INPP4A: variants seen among roughly 807,000 people sequenced by gnomAD.
The protein encoded by INPP4A is inositol polyphosphate-4-phosphatase type I A.
In INPP4A, 33 loss-of-function variants were observed where a neutral mutation model predicts 119.8. The ratio of observed to expected loss-of-function variants is 0.28; its 90% CI spans 0.21 to 0.37. The LOEUF is 0.37. Among genes scored for constraint, INPP4A ranks in the 10% least tolerant of loss-of-function variants. The pLI is 1.00. For missense variants in INPP4A, 956 were observed against 1,289.9 expected (o/e 0.74, Z 3.97); for synonymous variants, 496 against 500.7 (o/e 0.99, Z 0.12).
intron 21 of INPP4A, among the ~76,000 whole-genome samples, chr2:98,567,597 C>G (rs1375777519): frequency 6.6e-6 from 1 of 152,182 alleles, no homozygotes; most frequent in Admixed American, 6.5e-5. Flanking sequence ...GAGGGCTGAG[C>G]CAGAGCCAGG....
intron 1 of INPP4A, among the ~76,000 whole-genome samples, chr2:98,480,192 G>A (rs113483817): frequency 0.015 from 2,356 of 152,310 alleles, 69 homozygotes; most frequent in African/African-American, 0.054. Flanking sequence ...GTTTCTGTAG[G>A]GCATTGGGTG....
intron 24 of INPP4A, 42 bp from the exon 25 acceptor site, chr2:98,587,434 C>G (rs1292713387): frequency 6.6e-7 from 1 of 1,507,090 alleles, no homozygotes; most frequent in Non-Finnish European, 8.9e-7. Context: ...TTCTTTTTTC[C>G]TTTTTTACTG....
intron 17 of INPP4A, among the ~76,000 whole-genome samples, chr2:98,561,586 T>G (rs1008514557): frequency 6.6e-6 from 1 of 152,238 alleles, no homozygotes; most frequent in Non-Finnish European, 1.5e-5. Flanking sequence ...TTTCATTTTT[T>G]TCCTAATGTA....
intron 4 of INPP4A, among the ~76,000 whole-genome samples, chr2:98,523,135 C>T (rs1321569345): frequency 1.3e-5 from 2 of 152,196 alleles, no homozygotes; most frequent in African/African-American, 4.8e-5. Flanking sequence ...ATGTGCTTAA[C>T]TTTCATCATG....
At chr2:98,476,885 G>C (rs1677336796) in intron 1 of INPP4A, among the ~76,000 whole-genome samples, 1 of 152,170 alleles carries the variant, frequency 6.6e-6, no homozygotes, top group South Asian at 2.1e-4. Flanking sequence ...AGTGTTCCCT[G>C]TTCTCTGGGT....
intron 18 of INPP4A, 118 bp from the exon 19 acceptor site, chr2:98,564,522 G>A: frequency 7.8e-7 from 1 of 1,289,788 alleles, no homozygotes; most frequent in Non-Finnish European, 1.1e-6. Flanking sequence ...AGGTGCCACT[G>A]AAGCCCCTTT....
chr2:98,563,488 C>G lies in INPP4A; in HGVS notation c.1879C>G (p.Pro627Ala). 6.2e-7 allele frequency: 1 copy of G among 1,613,318 alleles called. No homozygotes were observed. The highest frequency in any genetic ancestry group is 8.5e-7 in the Non-Finnish European group (1 of 1,179,628). ...AGGTGAATGGAGTGAGGCCCTTTAC[C>G]CGCTGCTGACCACTCTCACCGACTG... The part of the protein sequence containing the change: ...SPGEWSEALY[P>A]LLTTLTDCVA... The change falls in exon 18 of 25, where the codon CCG becomes GCG. Residue 627 changes from proline (P) to alanine (A), a missense_variant. Pro to Ala is a conservative substitution (Grantham distance 27). This residue lies in a region of INPP4A where 304 missense variants were observed against 492.1 expected (regional missense o/e 0.62). Transcript: ENST00000409851.
chr2:98,548,843 A>G (rs1217762688), intron 13 of INPP4A: 1 of 1,017,152 alleles, frequency 9.8e-7, no homozygotes, highest in African/African-American at 1.6e-5. Context: ...ACCTCAACAA[A>G]TAATTTTAAG....
intron 21 of INPP4A, 84 bp from the exon 22 acceptor site, chr2:98,568,487 G>C (rs1696881835): frequency 1.5e-6 from 1 of 685,398 alleles, no homozygotes; most frequent in Non-Finnish European, 2.7e-6. Context: ...GAGAGAATCA[G>C]CATAGTTAGC....
intron 1 of INPP4A, among the ~76,000 whole-genome samples, chr2:98,453,267 T>C (rs1695537728): frequency 6.6e-6 from 1 of 152,200 alleles, no homozygotes; most frequent in Non-Finnish European, 1.5e-5. Context: ...CACTAATTAT[T>C]GCGGAAGGAA....
intron 1 of INPP4A, among the ~76,000 whole-genome samples, chr2:98,492,140 C>T (rs1194978787): frequency 1.3e-5 from 2 of 152,168 alleles, no homozygotes; most frequent in Non-Finnish European, 2.9e-5. Context: ...CCGCGCGCCT[C>T]AGCCTCCCAA....
intron 24 of INPP4A, among the ~76,000 whole-genome samples, chr2:98,583,576 A>C (rs1342717818): frequency 6.6e-6 from 1 of 152,194 alleles, no homozygotes; most frequent in Non-Finnish European, 1.5e-5. Flanking sequence ...TTTCCAGTTC[A>C]TATTATGTTG....
At position 98,552,008 on chromosome 2, in the gene INPP4A, G is replaced by A. The variant is rs535487420; in HGVS notation, c.1164-778G>A. Among the ~76,000 whole-genome samples, 208 of 152,310 alleles carry A rather than the reference G, an allele frequency of 1.4e-3. 1 individual carries two copies. Among genetic ancestry groups the A allele is most frequent in the African/African-American group, 4.7e-3 (196 of 41,564 alleles). On this transcript the variant is annotated intron_variant, in intron 13 of 24. Coordinates refer to ENST00000409851, the MANE Select transcript of INPP4A (RefSeq NM_001134225.2). Reference sequence around the variant, plus strand: ...TCTTTCAGAGCCTCCTGATTGTGCTGGGAGGGGCTGGGCTGTAGGCTTGGC... The same window carrying A: ...TCTTTCAGAGCCTCCTGATTGTGCTAGGAGGGGCTGGGCTGTAGGCTTGGC...
chr2:98,513,592 C>T (rs1277616404), intron 1 of INPP4A, among the ~76,000 whole-genome samples: 2 of 152,240 alleles, frequency 1.3e-5, no homozygotes, highest in African/African-American at 4.8e-5. Flanking sequence ...GCAGCACGTA[C>T]CTTGGCTGGT....
chr2:98,454,743 G>C (rs1695811732), intron 1 of INPP4A, among the ~76,000 whole-genome samples: 1 of 131,310 alleles, frequency 7.6e-6, no homozygotes, highest in African/African-American at 2.8e-5. Context: ...GCGAAGTTGA[G>C]AGGAGAAGGA....
At chr2:98,525,880 G>T (rs919559685) in intron 4 of INPP4A, among the ~76,000 whole-genome samples, 2 of 152,330 alleles carry the variant, frequency 1.3e-5, no homozygotes, top group East Asian at 3.9e-4. Context: ...TATATTGCTG[G>T]TGGGAGTGGA....
intron 24 of INPP4A, among the ~76,000 whole-genome samples, chr2:98,581,396 T>G (rs1699283757): frequency 6.6e-6 from 1 of 152,242 alleles, no homozygotes; most frequent in South Asian, 2.1e-4. Flanking sequence ...TACCCGTTTC[T>G]GCATTTCATC....
Position 98,565,780 on chromosome 2 carries a change from T to G in INPP4A, c.2279+14T>G. ...CACAGGAAATCGGTAGAGTGTTGGT[T>G]TAAAATTCTCTGAGCCAGAGAGCGG... On this transcript the variant is annotated intron_variant, in intron 20 of 24. Coordinates refer to ENST00000409851, the MANE Select transcript of INPP4A (RefSeq NM_001134225.2). 6.2e-7 allele frequency: 1 copy of G among 1,608,364 alleles called. No homozygotes were observed. The highest frequency in any genetic ancestry group is 8.5e-7 in the Non-Finnish European group (1 of 1,178,252).
At chr2:98,564,849 GT>G in intron 19 of INPP4A, 86 bp downstream of exon 19, 1 of 1,417,378 alleles carries the variant, frequency 7.1e-7, no homozygotes, top group Non-Finnish European at 9.3e-7. Flanking sequence ...CACTATACCA[GT>G]AATGCGTGCT....
Sources: allele counts gnomAD v4.1 joint callset (sites outside exome capture counted in the v4.1 genomes callset), GRCh38; gene constraint gnomAD v4.1.1; regional missense constraint gnomAD v4.1.1; transcripts MANE v1.5; gene names NCBI Gene and HGNC (gene_info 2026-07-23, HGNC 2026-07-21).